TEX11: variants seen among roughly 807,000 people sequenced by gnomAD.
TEX11 encodes testis-expressed protein 11.
A neutral mutation model predicts 84.4 loss-of-function variants in TEX11; 7 were observed. The observed-to-expected ratio is 0.08, with a 90% confidence interval of 0.05 to 0.16. The LOEUF is 0.16. Ranked by LOEUF, TEX11 falls within the 10% of genes least tolerant of loss-of-function variation. The pLI, the probability that TEX11 is intolerant of heterozygous loss-of-function variation, is 1.00. For synonymous variants in TEX11, 264 were observed against 222.8 expected, an observed-to-expected ratio of 1.18 and a Z score of -1.64; for missense variants, 551 against 660.5, an observed-to-expected ratio of 0.83 and a Z score of 1.82.
intron 21 of TEX11, 127 bp from the exon 22 acceptor site, chrX:70,609,304 T>C (rs1190564771): frequency 2.4e-6 from 1 of 422,126 alleles, no homozygotes; most frequent in Non-Finnish European, 3.7e-6. Flanking sequence ...TGTATGTGTG[T>C]AGGGGTGCAT....
intron 24 of TEX11, among the ~76,000 whole-genome samples, chrX:70,599,919 T>C (rs1460581981): frequency 2.8e-5 from 3 of 108,398 alleles, no homozygotes; most frequent in Non-Finnish European, 3.8e-5. Context: ...CAGTCTATCA[T>C]TGTTGGACAT....
intron 7 of TEX11, among the ~76,000 whole-genome samples, chrX:70,838,064 T>A (rs1290306734): frequency 2.7e-5 from 3 of 112,348 alleles, no homozygotes; most frequent in Non-Finnish European, 5.6e-5. Flanking sequence ...GATCTCTCTT[T>A]ACTATTTTTG....
downstream of TEX11, among the ~76,000 whole-genome samples, chrX:70,528,739 G>A (rs1311665514): frequency 9.0e-6 from 1 of 111,534 alleles, no homozygotes; most frequent in African/African-American, 3.3e-5. Context: ...CCAAATAAGA[G>A]TCTGGGATTC....
At chrX:70,897,153 ATAACATATATAT>A (rs1448165563) in intron 2 of TEX11, among the ~76,000 whole-genome samples, 3 of 30,593 alleles carry the variant, frequency 9.8e-5, no homozygotes, top group African/African-American at 1.8e-4. Context: ...TATATTATAT[ATAACATATATAT>A]TTTTATATAT....
chrX:70,522,707 AT>A, the TEX11 span, among the ~76,000 whole-genome samples: 6,647 of 95,033 alleles, frequency 0.07, 197 homozygotes, highest in African/African-American at 0.11. Context: ...CCAATTTTGT[AT>A]TTTTTTTTTT....
At chrX:70,716,726 T>C (rs973712955) in intron 13 of TEX11, among the ~76,000 whole-genome samples, 3 of 112,327 alleles carry the variant, frequency 2.7e-5, no homozygotes, top group Non-Finnish European at 5.6e-5. Context: ...CCTTGTACTT[T>C]CCGGGTGAGG....
intron 9 of TEX11, among the ~76,000 whole-genome samples, chrX:70,764,037 C>A (rs142858066): frequency 0.025 from 2,811 of 112,074 alleles, 43 homozygotes; most frequent in Non-Finnish European, 0.04. Context: ...AATACACATT[C>A]TTTTCCTCAG....
At chrX:70,774,745 T>A (rs1369133150) in intron 9 of TEX11, among the ~76,000 whole-genome samples, 1 of 111,505 alleles carries the variant, frequency 9.0e-6, no homozygotes, top group Non-Finnish European at 1.9e-5. Flanking sequence ...TGTTCATGGG[T>A]CAGAAGAGTG....
At chrX:70,639,506 C>T (rs906751606) in intron 17 of TEX11, among the ~76,000 whole-genome samples, 26 of 112,355 alleles carry the variant, frequency 2.3e-4, no homozygotes, top group Non-Finnish European at 4.7e-4. Context: ...CCTCTGCAGA[C>T]TTAACTGTCC....
the TEX11 span, among the ~76,000 whole-genome samples, chrX:70,512,089 A>G: frequency 2.8e-5 from 3 of 107,261 alleles, no homozygotes; most frequent in Non-Finnish European, 5.8e-5. Context: ...CTGCAAATAC[A>G]CTGAACCCAC....
chrX:70,859,689 G>C (rs891034900), intron 5 of TEX11, among the ~76,000 whole-genome samples: 7 of 108,302 alleles, frequency 6.5e-5, no homozygotes, highest in Admixed American at 4.0e-4. Context: ...ACATACATTT[G>C]TATTTTGGGG....
intron 9 of TEX11, among the ~76,000 whole-genome samples, chrX:70,775,306 A>T (rs751425025): frequency 5.4e-5 from 6 of 111,568 alleles, no homozygotes; most frequent in Non-Finnish European, 1.1e-4. Flanking sequence ...TACAACCTCA[A>T]AAAGACAACA....
At chrX:70,807,874 C>A in intron 8 of TEX11, among the ~76,000 whole-genome samples, 1 of 110,041 alleles carries the variant, frequency 9.1e-6, no homozygotes, top group Non-Finnish European at 1.9e-5. Context: ...GAGACCAAGA[C>A]AGGTGGATCA....
intron 17 of TEX11, among the ~76,000 whole-genome samples, chrX:70,636,172 C>T (rs755325928): frequency 9.0e-6 from 1 of 110,749 alleles, no homozygotes; most frequent in South Asian, 3.9e-4. Flanking sequence ...CCCCACAGAC[C>T]CAGGCCCCAG....
At chrX:70,682,854 T>C (rs1318755909) in intron 13 of TEX11, 29 bp from the exon 14 acceptor site, 2 of 1,189,393 alleles carry the variant, frequency 1.7e-6, no homozygotes, top group Non-Finnish European at 2.3e-6. Flanking sequence ...TTTTAAGCAA[T>C]GCGAACAGAA....
chrX:70,749,911 T>C (rs2090800920), intron 9 of TEX11, among the ~76,000 whole-genome samples: 1 of 110,555 alleles, frequency 9.0e-6, no homozygotes, highest in Admixed American at 9.8e-5. Flanking sequence ...TGCCTGGCTT[T>C]GGTATCAAAT....
At chrX:70,817,395 A>C (rs1455915774) in intron 8 of TEX11, among the ~76,000 whole-genome samples, 2 of 111,586 alleles carry the variant, frequency 1.8e-5, no homozygotes, top group Non-Finnish European at 3.8e-5. Flanking sequence ...TACTAAAATA[A>C]ATAAGGTCTC....
chrX:70,701,652 T>C (rs2090326979), intron 13 of TEX11, among the ~76,000 whole-genome samples: 1 of 112,453 alleles, frequency 8.9e-6, no homozygotes, highest in Non-Finnish European at 1.9e-5. Context: ...AGGCTATAGC[T>C]GCATAGATAG....
At chrX:70,784,863 G>T (rs984482280) in intron 9 of TEX11, among the ~76,000 whole-genome samples, 1 of 111,792 alleles carries the variant, frequency 8.9e-6, no homozygotes, top group Non-Finnish European at 1.9e-5. Flanking sequence ...CATGCTCATG[G>T]GTAGGAAGAA....
Sources: allele counts gnomAD v4.1 joint callset (sites outside exome capture counted in the v4.1 genomes callset), GRCh38; gene constraint gnomAD v4.1.1; transcripts MANE v1.5; gene names NCBI Gene and HGNC (gene_info 2026-07-23, HGNC 2026-07-21).